The following POU2F3 variants were observed in gnomAD, a reference collection of about 807,000 sequenced individuals.
POU2F3 encodes the protein POU domain, class 2, transcription factor 3.
In POU2F3, 23 loss-of-function variants were observed where a neutral mutation model predicts 59.2. The ratio of observed to expected loss-of-function variants is 0.39; its 90% confidence interval spans 0.28 to 0.55. The LOEUF is 0.55. Ranked by LOEUF, POU2F3 falls within the 20% of genes least tolerant of loss-of-function variation. The pLI, the probability that POU2F3 is intolerant of heterozygous loss-of-function variation, is 0.66. For missense variants in POU2F3, 473 were observed against 544.5 expected, an observed-to-expected ratio of 0.87 and a Z score of 1.31; for synonymous variants, 190 against 214.6, an observed-to-expected ratio of 0.89 and a Z score of 1.00.
At chr11:120,241,223 C>G (rs1057074455) in intron 1 of POU2F3, among the ~76,000 whole-genome samples, 1 of 152,222 alleles carries the variant, frequency 6.6e-6, no homozygotes, top group Non-Finnish European at 1.5e-5. Flanking sequence ...CTGGCCATTT[C>G]TAACCTAGCA....
chr11:120,293,518 GA>G (rs980873856), intron 3 of POU2F3, among the ~76,000 whole-genome samples: 4 of 151,640 alleles, frequency 2.6e-5, no homozygotes, highest in African/African-American at 9.7e-5. Flanking sequence ...GGGGGAGAAA[GA>G]AAAAAAAATC....
chr11:120,308,447 CT>C (rs1941559415), intron 9 of POU2F3, among the ~76,000 whole-genome samples: 1 of 152,110 alleles, frequency 6.6e-6, no homozygotes, highest in Non-Finnish European at 1.5e-5. Context: ...GCTTTTCCTT[CT>C]TTTTAGGCTT....
intron 1 of POU2F3, among the ~76,000 whole-genome samples, chr11:120,244,866 T>C (rs1938806800): frequency 6.7e-6 from 1 of 149,124 alleles, no homozygotes; most frequent in Non-Finnish European, 1.5e-5. Context: ...TATTCATGCA[T>C]GGCAAACTAT....
chr11:120,238,748 T>C (rs1938561114), upstream of POU2F3, among the ~76,000 whole-genome samples: 1 of 146,150 alleles, frequency 6.8e-6, no homozygotes, highest in Non-Finnish European at 1.5e-5. Flanking sequence ...GAGAATCGCT[T>C]GAACCCAGGA....
chr11:120,312,886 T>TGTTGGGGGGTGCTATTAACA (rs1205385474), intron 10 of POU2F3, among the ~76,000 whole-genome samples: 1 of 151,870 alleles, frequency 6.6e-6, no homozygotes, highest in East Asian at 1.9e-4. Context: ...ACAGGGAAAG[T>TGTTGGGGGGTGCTATTAACA]GTTTGAGTTG....
At chr11:120,302,013 ACGC>A in intron 5 of POU2F3, 1 of 397,646 alleles carries the variant, frequency 2.5e-6, no homozygotes, top group Non-Finnish European at 4.5e-6. Flanking sequence ...CTTAGCCTCT[ACGC>A]CTCTCCAGAC....
chr11:120,246,977 T>G (rs539040544), intron 2 of POU2F3, among the ~76,000 whole-genome samples: 8 of 152,234 alleles, frequency 5.3e-5, no homozygotes, highest in African/African-American at 1.9e-4. Flanking sequence ...AGAGAAAGGC[T>G]TGGTGCCTGG....
intron 6 of POU2F3, 121 bp downstream of exon 6, chr11:120,302,489 A>AAAGGGGTAGG: frequency 1.1e-6 from 1 of 881,824 alleles, no homozygotes; most frequent in Non-Finnish European, 1.7e-6. Flanking sequence ...AGGGGATAGC[A>AAAGGGGTAGG]GGGAACTATC....
rs186755348 is a variant in POU2F3, at chr11:120,273,138, A to G, written c.132+3894A>G. On this transcript the variant is annotated intron_variant, in intron 3 of 12. Coordinates refer to ENST00000543440, the MANE Select transcript of POU2F3 (RefSeq NM_014352.4). ...AGTGAGGGGAAATATGTCACATGGAATTTTTCCAGCCTTTATGATTGTGTG... is the reference window on the plus strand; with the variant it reads ...AGTGAGGGGAAATATGTCACATGGAGTTTTTCCAGCCTTTATGATTGTGTG... 7.2e-5 allele frequency among the ~76,000 whole-genome samples: 11 copies of G among 152,272 alleles called. No individual in the cohort carries two copies. The East Asian group carries it at 2.1e-3, about 29-fold the overall frequency.
In POU2F3 at chr11:120,305,633, C is replaced by G; in HGVS notation, c.628-11C>G. On this transcript the variant is annotated splice_polypyrimidine_tract_variant and intron_variant, in intron 7 of 12. Coordinates refer to ENST00000543440, the MANE Select transcript of POU2F3 (RefSeq NM_014352.4). ...CCTCTCATGTTCCTCCCCCTCGGTCCCCACGCTTAGGGAGATGTGGGGCTG... is the reference window on the plus strand; with the variant it reads ...CCTCTCATGTTCCTCCCCCTCGGTCGCCACGCTTAGGGAGATGTGGGGCTG... 3.1e-6 allele frequency: 5 copies of G among 1,613,278 alleles called. No homozygotes were observed. The highest frequency in any genetic ancestry group is 4.2e-6 in the Non-Finnish European group (5 of 1,179,762).
chr11:120,240,208 GACGGCTCCGGCA>G lies in POU2F3; in HGVS notation c.-135_-124del, dbSNP rs1938600418. On this transcript the variant is annotated 5_prime_UTR_variant, in exon 1 of 13. Transcript: ENST00000543440. Reference sequence around the variant, plus strand: ...CAGCGGAGCGCGCGACAGTGGCGGCGACGGCTCCGGCAGCGGCTCCCGCGGCGGCGGCGGCCG... The same window carrying G: ...CAGCGGAGCGCGCGACAGTGGCGGCGGCGGCTCCCGCGGCGGCGGCGGCCG... 1 of 1,240,622 alleles carries G rather than the reference GACGGCTCCGGCA, an allele frequency of 8.1e-7. No homozygotes were observed. The highest frequency in any genetic ancestry group is 1.0e-6 in the Non-Finnish European group (1 of 985,658). 76.9% of individuals were successfully genotyped at this position (1,240,622 alleles called of 1,614,324 possible).
intron 2 of POU2F3, among the ~76,000 whole-genome samples, chr11:120,249,079 C>T (rs1291433000): frequency 6.6e-6 from 1 of 152,180 alleles, no homozygotes; most frequent in Admixed American, 6.5e-5. Flanking sequence ...GTCAGGAATG[C>T]CCAGGGGAGC....
intron 11 of POU2F3, 200 bp from the exon 12 acceptor site, chr11:120,317,029 C>T: frequency 1.6e-6 from 1 of 618,942 alleles, no homozygotes; most frequent in Non-Finnish European, 2.9e-6. Flanking sequence ...CTGCAGAGAG[C>T]ATTTGTGACG....
rs117721551 is a variant in POU2F3 at position 120,257,506 on chromosome 11, G to A, written c.97+10989G>A. On this transcript the variant is annotated intron_variant, in intron 2 of 12. Transcript: ENST00000543440. The stretch of plus-strand genomic sequence containing the variant: ...TGTGACCCTGGCCTGGGGTCCCGCG[G>A]CTCTAGCTTCTCACTGGCTCCTCCA... 2.5e-3 allele frequency among the ~76,000 whole-genome samples: 374 copies of A among 152,100 alleles called. 20 individuals are homozygous for A. The East Asian group carries it at 0.07, about 28-fold the overall frequency.
rs1283619604 is a variant in POU2F3 at position 120,302,307 on chromosome 11, C to T, written c.383C>T (p.Pro128Leu). 2 of 1,612,486 alleles carry T rather than the reference C, an allele frequency of 1.2e-6. No individual in the cohort carries two copies. The highest frequency in any genetic ancestry group is 2.7e-5 in the African/African-American group (2 of 74,884). Residue 128 changes from proline to leucine, a missense_variant, in exon 6 of 13, where the codon CCC becomes CTC. Coordinates refer to ENST00000543440, the MANE Select transcript of POU2F3 (RefSeq NM_014352.4). Reference protein sequence around the residue: ...GQQGLQPNLLPFPQQQSGLLL... With the variant: ...GQQGLQPNLLLFPQQQSGLLL... ...CCAGGTCTGCAGCCAAATCTCCTCC[C>T]CTTTCCACAGCAACAAAGCGGTCTC...
At chr11:120,289,769 G>A (rs1185938788) in intron 3 of POU2F3, among the ~76,000 whole-genome samples, 6 of 152,130 alleles carry the variant, frequency 3.9e-5, no homozygotes, top group Non-Finnish European at 8.8e-5. Flanking sequence ...CTTTTCTTCC[G>A]AGAGCCTTCT....
chr11:120,243,177 G>C (rs1186551682), intron 1 of POU2F3, among the ~76,000 whole-genome samples: 1 of 152,168 alleles, frequency 6.6e-6, no homozygotes, highest in East Asian at 1.9e-4. Context: ...CTCAGAAGTG[G>C]GGCCGGTGGG....
At chr11:120,305,834 G>C in intron 8 of POU2F3, 49 bp downstream of exon 8, 2 of 1,603,704 alleles carry the variant, frequency 1.2e-6, no homozygotes, top group East Asian at 2.2e-5. Context: ...GCTCTGCAGG[G>C]AAGGGCCAGT....
At chr11:120,241,767 C>A (rs1188798299) in intron 1 of POU2F3, among the ~76,000 whole-genome samples, 1 of 152,104 alleles carries the variant, frequency 6.6e-6, no homozygotes, top group African/African-American at 2.4e-5. Flanking sequence ...GGGTTTTCCA[C>A]CTCCTTGTCT....
Sources: gnomAD v4.1 joint callset for allele counts (sites outside exome capture counted in the v4.1 genomes callset) on GRCh38, gnomAD v4.1.1 for gene constraint, MANE v1.5 for transcripts, NCBI Gene and HGNC (gene_info 2026-07-23, HGNC 2026-07-21) for gene names.